DEPTOR: variants seen among roughly 807,000 people sequenced by gnomAD.
DEPTOR encodes the protein DEP domain-containing mTOR-interacting protein.
Under a neutral mutation model 41.6 loss-of-function variants are expected in DEPTOR, and 41 were observed. The observed-to-expected ratio is 0.98, with a 90% confidence interval of 0.77 to 1.28. The LOEUF (loss-of-function observed/expected upper bound fraction) is 1.28. DEPTOR is among the 50% of genes most tolerant of loss of function. The pLI, the probability that DEPTOR is intolerant of heterozygous loss-of-function variation, is 0.00. For missense variants in DEPTOR, 514 were observed against 527.9 expected (o/e 0.97, Z 0.26); for synonymous variants, 195 against 192.3 (o/e 1.01, Z -0.12).
At chr8:120,018,832 C>G (rs1451598262) in intron 8 of DEPTOR, among the ~76,000 whole-genome samples, 1 of 151,962 alleles carries the variant, frequency 6.6e-6, no homozygotes, top group African/African-American at 2.4e-5. Flanking sequence ...CTTTTCTGCT[C>G]TGTGTCCTTC....
intron 4 of DEPTOR, among the ~76,000 whole-genome samples, chr8:119,984,262 TATTTTATTTTTAA>T (rs984476068): frequency 6.6e-6 from 1 of 151,844 alleles, no homozygotes; most frequent in African/African-American, 2.4e-5. Context: ...CTAGGCCTTT[TATTTTATTTTTAA>T]ATTTTATTTT....
intron 1 of DEPTOR, among the ~76,000 whole-genome samples, chr8:119,896,312 T>TG: frequency 6.6e-6 from 1 of 152,106 alleles, no homozygotes; most frequent in East Asian, 1.9e-4. Context: ...GGTTACAAGG[T>TG]GAGCAGGTGG....
intron 1 of DEPTOR, among the ~76,000 whole-genome samples, chr8:119,875,879 G>A (rs529599869): frequency 6.6e-6 from 1 of 152,184 alleles, no homozygotes; most frequent in Admixed American, 6.5e-5. Context: ...TTTTGGGACA[G>A]GTAAAATGGG....
At chr8:119,966,693 C>A (rs760100140) in intron 4 of DEPTOR, among the ~76,000 whole-genome samples, 21 of 151,896 alleles carry the variant, frequency 1.4e-4, no homozygotes, top group Non-Finnish European at 2.5e-4. Flanking sequence ...GCCAGGCTGG[C>A]CTCTAACTAC....
At chr8:120,042,560 C>T (rs10087490) in intron 8 of DEPTOR, among the ~76,000 whole-genome samples, 6,887 of 152,074 alleles carry the variant, frequency 0.045, 323 homozygotes, top group South Asian at 0.2. Context: ...CTCTTGTTGC[C>T]CAGGCTGTAG....
At chr8:119,960,557 A>G (rs1563976624) in intron 3 of DEPTOR, among the ~76,000 whole-genome samples, 1 of 152,210 alleles carries the variant, frequency 6.6e-6, no homozygotes, top group East Asian at 1.9e-4. Context: ...GCAGAAATTC[A>G]TCTTGCCCCA....
At chr8:120,012,576 G>T (rs1025749764) in intron 8 of DEPTOR, among the ~76,000 whole-genome samples, 6 of 151,758 alleles carry the variant, frequency 4.0e-5, no homozygotes, top group Non-Finnish European at 5.9e-5. Flanking sequence ...TGGCTTTGTT[G>T]CCCAGGCTGG....
intron 1 of DEPTOR, among the ~76,000 whole-genome samples, chr8:119,875,333 A>G (rs1827218263): frequency 6.6e-6 from 1 of 152,080 alleles, no homozygotes; most frequent in Non-Finnish European, 1.5e-5. Context: ...TGGGTAGATG[A>G]TGGATAGTGG....
intron 8 of DEPTOR, among the ~76,000 whole-genome samples, chr8:120,030,722 C>T (rs568936209): frequency 1.4e-3 from 208 of 151,972 alleles, no homozygotes; most frequent in Non-Finnish European, 2.2e-3. Flanking sequence ...CCAGGCTGAT[C>T]TCTAACTCCT....
chr8:119,970,510 C>T (rs980862777), intron 4 of DEPTOR, among the ~76,000 whole-genome samples: 2 of 152,152 alleles, frequency 1.3e-5, no homozygotes, highest in East Asian at 1.9e-4. Flanking sequence ...GCACAGTCTT[C>T]GGAAGGAGAC....
In DEPTOR at chr8:120,009,051, G is replaced by A; in HGVS notation, c.1019G>A (p.Trp340Ter). 6.2e-7 allele frequency: 1 copy of A among 1,614,096 alleles called. No individual in the cohort carries two copies. Among genetic ancestry groups the A allele is most frequent in the Non-Finnish European group, 8.5e-7 (1 of 1,180,012 alleles). The stretch of plus-strand genomic sequence containing the variant: ...TAGATTGTTGGTGACGCGGTTGGCT[G>A]GGGTTTTGTGGTGCGAGGAAGTAAG... ...TFTIVGDAVG[W>*]GFVVRGSKPC... Residue 340 changes from tryptophan (W) to a stop codon, truncating the protein, a stop_gained, in exon 8 of 9, where the codon TGG (tryptophan) becomes TAG (stop). Coordinates refer to ENST00000286234, the MANE Select transcript of DEPTOR (RefSeq NM_022783.4). LOFTEE classifies it high-confidence loss of function.
intron 1 of DEPTOR, among the ~76,000 whole-genome samples, chr8:119,884,880 A>G (rs145648093): frequency 1.6e-3 from 240 of 151,978 alleles, no homozygotes; most frequent in African/African-American, 5.4e-3. Context: ...GGTTCAAGCA[A>G]TTCTTGTGCC....
intron 1 of DEPTOR, among the ~76,000 whole-genome samples, chr8:119,924,106 TA>T (rs774542778): frequency 1.3e-5 from 2 of 152,212 alleles, no homozygotes; most frequent in Non-Finnish European, 2.9e-5. Flanking sequence ...ATTTGATAGC[TA>T]ATTATTTGTT....
intron 4 of DEPTOR, among the ~76,000 whole-genome samples, chr8:119,967,684 G>A (rs1443289129): frequency 6.6e-6 from 1 of 150,600 alleles, no homozygotes; most frequent in African/African-American, 2.4e-5. Context: ...AACCCTGGAG[G>A]TGGAGGTTGC....
At chr8:119,928,263 A>G in intron 1 of DEPTOR, 137 bp from the exon 2 acceptor site, 1 of 905,118 alleles carries the variant, frequency 1.1e-6, no homozygotes. Context: ...CAGTATGGAA[A>G]TCACCAAGCG....
chr8:120,028,607 C>A (rs193018412), intron 8 of DEPTOR, among the ~76,000 whole-genome samples: 151 of 151,626 alleles, frequency 1.0e-3, no homozygotes, highest in Middle Eastern at 6.8e-3. Context: ...ATTACAGGCG[C>A]CTGCCACCAC....
chr8:119,940,661 A>G (rs1025209075), intron 3 of DEPTOR, among the ~76,000 whole-genome samples: 4 of 152,044 alleles, frequency 2.6e-5, no homozygotes, highest in African/African-American at 9.7e-5. Context: ...CAGGACAATC[A>G]CTTGAACCCG....
At chr8:119,925,154 C>G (rs1027840516) in intron 1 of DEPTOR, among the ~76,000 whole-genome samples, 87 of 152,140 alleles carry the variant, frequency 5.7e-4, no homozygotes, top group African/African-American at 2.0e-3. Context: ...CTTTGGGAGG[C>G]CGAGGTGGGT....
At chr8:120,026,517 A>G (rs1812799516) in intron 8 of DEPTOR, among the ~76,000 whole-genome samples, 1 of 151,702 alleles carries the variant, frequency 6.6e-6, no homozygotes, top group Non-Finnish European at 1.5e-5. Context: ...TAATTTTTGT[A>G]TTTTTAGTAG....
Sources: allele counts gnomAD v4.1 joint callset (sites outside exome capture counted in the v4.1 genomes callset), GRCh38; gene constraint gnomAD v4.1.1; transcripts MANE v1.5; gene names NCBI Gene and HGNC (gene_info 2026-07-23, HGNC 2026-07-21).